ADH7: variants seen among roughly 807,000 people sequenced by gnomAD.
The protein encoded by ADH7 is all-trans-retinol dehydrogenase [NAD(+)] ADH7.
In ADH7, 41 loss-of-function variants were observed where a neutral mutation model predicts 34.4. The observed-to-expected ratio is 1.19, with a 90% confidence interval of 0.93 to 1.55. The LOEUF (loss-of-function observed/expected upper bound fraction) is 1.55, where lower values mean the gene tolerates loss of function less well. Ranked by LOEUF, ADH7 falls within the 40% of genes most tolerant of loss-of-function variation. ADH7 has a pLI of 0.00. For missense variants in ADH7, 540 were observed against 461.2 expected (o/e 1.17, Z -1.56); for synonymous variants, 180 against 160.9 (o/e 1.12, Z -0.90).
intron 5 of ADH7, among the ~76,000 whole-genome samples, chr4:99,426,385 C>G (rs1478230171): frequency 1.3e-5 from 2 of 152,084 alleles, no homozygotes; most frequent in Admixed American, 1.3e-4. Context: ...GATATCACCA[C>G]CAATCCCACA....
At chr4:99,425,043 A>G (rs1211908742) in intron 5 of ADH7, among the ~76,000 whole-genome samples, 2 of 152,132 alleles carry the variant, frequency 1.3e-5, no homozygotes, top group Non-Finnish European at 2.9e-5. Flanking sequence ...CTGCCCTAAA[A>G]GAGTTCCTGA....
chr4:99,428,912 A>C (rs1173242716), intron 2 of ADH7, among the ~76,000 whole-genome samples: 4 of 152,172 alleles, frequency 2.6e-5, no homozygotes, highest in African/African-American at 9.7e-5. Context: ...AGATGTTACT[A>C]TGTGATGGCC....
intron 5 of ADH7, among the ~76,000 whole-genome samples, chr4:99,425,491 A>T (rs939245404): frequency 1.2e-4 from 19 of 152,226 alleles, no homozygotes; most frequent in Non-Finnish European, 2.6e-4. Flanking sequence ...AAAGGGATCA[A>T]TTCAACAAGA....
At chr4:99,428,718 A>C in intron 2 of ADH7, 88 bp from the exon 3 acceptor site, 1 of 1,474,576 alleles carries the variant, frequency 6.8e-7, no homozygotes, top group Non-Finnish European at 9.1e-7. Flanking sequence ...AGAAATTATA[A>C]TTGTTTAATC....
rs538859914 is a variant in ADH7, at chr4:99,424,459, T to G, written c.564+3314A>C. On this transcript the variant is annotated intron_variant, in intron 5 of 8. Transcript: ENST00000437033. Reference sequence around the variant, plus strand: ...ATGGGGATGGCATTGAATCTATAAATTACCTTGGGCAGTATGGCCATTTTC... The same window carrying G: ...ATGGGGATGGCATTGAATCTATAAAGTACCTTGGGCAGTATGGCCATTTTC... Among the ~76,000 whole-genome samples the G allele has an allele frequency of 1.6e-3, 250 of 152,320 alleles. 2 individuals are homozygous for G. Among genetic ancestry groups the G allele is most frequent in the African/African-American group, 5.9e-3 (244 of 41,570 alleles).
chr4:99,426,150 C>T (rs1214909891), intron 5 of ADH7, among the ~76,000 whole-genome samples: 3 of 152,012 alleles, frequency 2.0e-5, no homozygotes, highest in Non-Finnish European at 2.9e-5. Flanking sequence ...ATTAAAAGAG[C>T]TAGAAAAACA....
At position 99,415,647 on chromosome 4, in the gene ADH7, C is replaced by G. The variant is rs756689313; in HGVS notation, c.962-31G>C. 2.5e-6 allele frequency: 4 copies of G among 1,601,382 alleles called. No homozygotes were observed. In the Admixed American group the frequency reaches 6.8e-5, roughly 27 times the overall value. ...AATAAGCACACATTTTCTCTTTAGA[C>G]ATTACTAAATAATCCTTATCTTTTA... On this transcript the variant is annotated intron_variant, in intron 7 of 8. Coordinates refer to ENST00000437033, the MANE Select transcript of ADH7 (RefSeq NM_000673.7).
chr4:99,429,496 C>T (rs778752822), intron 2 of ADH7, 36 bp downstream of exon 2: 46 of 1,493,350 alleles, frequency 3.1e-5, no homozygotes, highest in South Asian at 2.2e-4. Context: ...AGTTTGATAA[C>T]GCTTTTGGCT....
At position 99,415,619 on chromosome 4, in the gene ADH7, G is replaced by A. The variant is rs1444124291; in HGVS notation, c.962-3C>T. 1 of 1,611,322 alleles carries A rather than the reference G, an allele frequency of 6.2e-7. No homozygotes were observed. Among genetic ancestry groups the A allele is most frequent in the Non-Finnish European group, 8.5e-7 (1 of 1,178,752 alleles). Reference sequence around the variant, plus strand: ...GACATCATCTCTGCTTTTCAAACCTGCAAATAAGCACACATTTTCTCTTTA... The same window carrying A: ...GACATCATCTCTGCTTTTCAAACCTACAAATAAGCACACATTTTCTCTTTA... On this transcript the variant is annotated splice_polypyrimidine_tract_variant and splice_region_variant and intron_variant, in intron 7 of 8. Coordinates refer to ENST00000437033, the MANE Select transcript of ADH7 (RefSeq NM_000673.7).
At chr4:99,419,153 C>T (rs1178924454) in intron 6 of ADH7, 32 bp from the exon 7 acceptor site, 35 of 1,604,110 alleles carry the variant, frequency 2.2e-5, no homozygotes, top group Non-Finnish European at 3.0e-5. Context: ...TCGTTTGCTT[C>T]CTGTGTCTCT....
At chr4:99,431,489 G>A (rs1721936485) in intron 1 of ADH7, among the ~76,000 whole-genome samples, 1 of 152,102 alleles carries the variant, frequency 6.6e-6, no homozygotes, top group Non-Finnish European at 1.5e-5. Context: ...TTTAACTAAA[G>A]GGCTTCTGCA....
Position 99,428,500 on chromosome 4 carries a change from A to G in ADH7, c.251T>C (p.Val84Ala). 6.2e-7 allele frequency: 1 copy of G among 1,611,912 alleles called. No homozygotes were observed. The highest frequency in any genetic ancestry group is 1.1e-5 in the South Asian group (1 of 90,386). Reference protein sequence around the residue: ...VESIGEGVTTVKPGDKVIPLF... With the variant: ...VESIGEGVTTAKPGDKVIPLF... ...TTGACACCTGCATATACCTGGTTTC[A>G]CTGTAGTCACTCCTTCTCCAATGCT... The change falls in exon 3 of 9, where the codon GTG becomes GCG. Residue 84 changes from valine to alanine, a missense_variant. Coordinates refer to ENST00000437033, the MANE Select transcript of ADH7 (RefSeq NM_000673.7).
chr4:99,427,702 T>C (rs1439765223), intron 5 of ADH7, 71 bp downstream of exon 5: 3 of 1,184,270 alleles, frequency 2.5e-6, no homozygotes, highest in East Asian at 5.5e-5. Context: ...TCCAAAACTC[T>C]TCAAGATTCC....
In ADH7 at chr4:99,420,543, A is replaced by G. The variant is rs758908821; in HGVS notation, c.815T>C (p.Leu272Pro). Residue 272 changes from leucine (L) to proline (P), a missense_variant, in exon 6 of 9, where the codon CTT becomes CCT. Physicochemically the swap from Leu to Pro is moderately conservative, Grantham distance 98 (BLOSUM62 -3). Coordinates refer to ENST00000437033, the MANE Select transcript of ADH7 (RefSeq NM_000673.7). Reference protein sequence around the residue: ...VGYTFEVIGHLETMIDALASC... With the variant: ...VGYTFEVIGHPETMIDALASC... ...AATTTTGGGTCTTACCATGGTTTCA[A>G]GATGCCCAATAACTTCAAAGGTGTA... 1.2e-6 allele frequency: 2 copies of G among 1,612,990 alleles called. No homozygotes were observed. Among genetic ancestry groups the G allele is most frequent in the Admixed American group, 3.3e-5 (2 of 59,890 alleles).
chr4:99,419,393 T>A (rs1721596999), intron 6 of ADH7, among the ~76,000 whole-genome samples: 1 of 152,220 alleles, frequency 6.6e-6, no homozygotes, highest in Non-Finnish European at 1.5e-5. Flanking sequence ...ATTCTTGTGA[T>A]ATTTTCATAC....
At chr4:99,414,904 G>T (rs933917479) in intron 8 of ADH7, among the ~76,000 whole-genome samples, 5 of 152,110 alleles carry the variant, frequency 3.3e-5, no homozygotes, top group South Asian at 2.1e-4. Context: ...AAATCCAAAA[G>T]ATTTTAAAAA....
chr4:99,416,285 T>G (rs1463584393), intron 7 of ADH7, among the ~76,000 whole-genome samples: 1 of 152,200 alleles, frequency 6.6e-6, no homozygotes, highest in African/African-American at 2.4e-5. Flanking sequence ...TCACTGTTTC[T>G]GGATCCTGTT....
Position 99,413,012 on chromosome 4 carries a change from A to T in ADH7, c.*136T>A, listed in dbSNP as rs1306094255. ...TTTATAAAGGTTAATAATTCTTTATAAGGGTTCTATGTCTTCAACAAATCT... is the reference window on the plus strand; with the variant it reads ...TTTATAAAGGTTAATAATTCTTTATTAGGGTTCTATGTCTTCAACAAATCT... On this transcript the variant is annotated 3_prime_UTR_variant, in exon 9 of 9. Transcript: ENST00000437033. 13 of 819,882 alleles carry T rather than the reference A, an allele frequency of 1.6e-5. No homozygotes were observed. The Admixed American group carries it at 2.0e-4, about 13-fold the overall frequency. 50.8% of individuals were successfully genotyped at this position (819,882 alleles called of 1,614,324 possible). A position where few individuals can be genotyped will look rare whatever the true frequency, so the allele number is the denominator to read the frequency against.
intron 6 of ADH7, 37 bp downstream of exon 6, chr4:99,420,496 T>C (rs751983960): frequency 1.3e-6 from 2 of 1,598,520 alleles, no homozygotes; most frequent in South Asian, 1.1e-5. Flanking sequence ...GTCTAATAAC[T>C]TGGGTATTTT....
Sources: gnomAD v4.1 joint callset for allele counts (sites outside exome capture counted in the v4.1 genomes callset) on GRCh38, gnomAD v4.1.1 for gene constraint, MANE v1.5 for transcripts, NCBI Gene and HGNC (gene_info 2026-07-23, HGNC 2026-07-21) for gene names.